Variants in PASK observed in about 807,000 individuals in gnomAD.
PASK encodes PAS domain containing serine/threonine kinase.
A neutral mutation model predicts 121.0 loss-of-function variants in PASK; 110 were observed. That is an observed-to-expected ratio of 0.91 (90% confidence interval 0.78 to 1.06). PASK has a LOEUF of 1.06. Among genes scored for constraint, PASK ranks in the 50% least tolerant of loss-of-function variants. The probability of loss-of-function intolerance (pLI) is 0.00; values close to 1 mark genes in which losing one functional copy is unlikely to be tolerated. For synonymous variants in PASK, 686 were observed against 717.8 expected, an observed-to-expected ratio of 0.96 and a Z score of 0.71; for missense variants, 1,643 against 1,702.3, an observed-to-expected ratio of 0.97 and a Z score of 0.61.
intron 17 of PASK, 47 bp downstream of exon 17, chr2:241,107,306 A>G: frequency 6.3e-7 from 1 of 1,575,686 alleles, no homozygotes; most frequent in Non-Finnish European, 8.7e-7. Flanking sequence ...GGACCTCGTT[A>G]TTCCAAGTGA....
At chr2:241,107,809 G>A (rs1038866360) in intron 16 of PASK, among the ~76,000 whole-genome samples, 1 of 152,212 alleles carries the variant, frequency 6.6e-6, no homozygotes, top group African/African-American at 2.4e-5. Flanking sequence ...GGGTTAACAT[G>A]ACAGGTGAGG....
At chr2:241,118,878 C>T in intron 12 of PASK, 1 of 1,001,254 alleles carries the variant, frequency 1.0e-6, no homozygotes. Flanking sequence ...CTTCCCGCAG[C>T]TCCTGGACCC....
At chr2:241,137,508 G>A (rs2066493844) in intron 6 of PASK, among the ~76,000 whole-genome samples, 2 of 152,122 alleles carry the variant, frequency 1.3e-5, no homozygotes, top group African/African-American at 4.8e-5. Context: ...CAGGGCAAGT[G>A]AGACACCCCA....
At position 241,143,086 on chromosome 2, in the gene PASK, C is replaced by A; in HGVS notation, c.-42-12G>T. The A allele has an allele frequency of 7.6e-7, 1 of 1,314,438 alleles. No individual in the cohort carries two copies. The highest frequency in any genetic ancestry group is 1.1e-6 in the Non-Finnish European group (1 of 909,044). 81.4% of individuals were successfully genotyped at this position (1,314,438 alleles called of 1,614,324 possible). ...TCCAACTCTAACAACTAGAAAACAA[C>A]ATGAAGCTGATTAACATCTGCAATG... On this transcript the variant is annotated splice_polypyrimidine_tract_variant and intron_variant, in intron 1 of 17. Transcript: ENST00000234040.
intron 9 of PASK, among the ~76,000 whole-genome samples, chr2:241,131,980 G>A (rs946115433): frequency 6.6e-5 from 10 of 150,388 alleles, no homozygotes; most frequent in African/African-American, 2.4e-4. Context: ...CTTGAACCAG[G>A]GGGCAGAAGT....
chr2:241,146,800 C>T (rs1283005598), intron 1 of PASK, among the ~76,000 whole-genome samples: 1 of 152,206 alleles, frequency 6.6e-6, no homozygotes, highest in Non-Finnish European at 1.5e-5. Context: ...GGAAGAGGCA[C>T]AAGGGCACAG....
intron 12 of PASK, among the ~76,000 whole-genome samples, chr2:241,120,564 G>C (rs2065564483): frequency 6.6e-6 from 1 of 152,022 alleles, no homozygotes; most frequent in South Asian, 2.1e-4. Flanking sequence ...CAGCCAATAA[G>C]ATCATGAAAA....
At chr2:241,150,169 G>A (rs10164897), upstream of PASK, 7,422 of 1,271,028 alleles carry the variant, frequency 5.8e-3, 335 homozygotes, top group African/African-American at 0.099. Flanking sequence ...AGCCCAGGGC[G>A]TCTCTCCACT....
rs1467712247 is a variant in PASK at position 241,112,498 on chromosome 2, T to G, written c.3334-59A>C. ...AAAGCAATTCAACTAAAATATGCATTTAAAATAAACTGGAACAAAAAAAAA... is the reference window on the plus strand; with the variant it reads ...AAAGCAATTCAACTAAAATATGCATGTAAAATAAACTGGAACAAAAAAAAA... On this transcript the variant is annotated intron_variant, in intron 14 of 17. Coordinates refer to ENST00000234040, the MANE Select transcript of PASK (RefSeq NM_015148.4). This position sits in a 1 kb window ranked among gnomAD's most constrained non-coding sequence, Gnocchi z 5.2. 2.7e-6 allele frequency: 3 copies of G among 1,096,292 alleles called. No individual in the cohort carries two copies. Among genetic ancestry groups the G allele is most frequent in the Non-Finnish European group, 2.7e-6 (2 of 745,572 alleles). 67.9% of individuals were successfully genotyped at this position (1,096,292 alleles called of 1,614,324 possible).
At chr2:241,116,116 G>A (rs1328051371) in intron 12 of PASK, among the ~76,000 whole-genome samples, 1 of 139,432 alleles carries the variant, frequency 7.2e-6, no homozygotes, top group Non-Finnish European at 1.5e-5. Flanking sequence ...CAATCCTCAA[G>A]CATCCCATTA....
At chr2:241,144,695 C>T (rs372018814) in intron 1 of PASK, among the ~76,000 whole-genome samples, 158 of 152,296 alleles carry the variant, frequency 1.0e-3, no homozygotes, top group African/African-American at 3.7e-3. Flanking sequence ...GATGCCCACA[C>T]GAGGCCCTTC....
At chr2:241,130,322 C>T (rs933369122) in intron 9 of PASK, among the ~76,000 whole-genome samples, 5 of 152,356 alleles carry the variant, frequency 3.3e-5, no homozygotes, top group South Asian at 2.1e-4. Context: ...CATCCAGAAA[C>T]GTCCAATGCA....
intron 1 of PASK, among the ~76,000 whole-genome samples, chr2:241,147,552 C>T (rs186134082): frequency 2.0e-4 from 30 of 152,194 alleles, no homozygotes; most frequent in African/African-American, 4.8e-4. Flanking sequence ...GCCCAGGAGG[C>T]GGAGGCTGCA....
In PASK at chr2:241,106,382, C is replaced by T; in HGVS notation, c.*184G>A. ...GTCATGAAAAAAGTGAATTCCAAAT[C>T]TATGTAATAAATCTAAAATAATACA... is the stretch of plus-strand genomic sequence containing the variant. On this transcript the variant is annotated 3_prime_UTR_variant, in exon 18 of 18. Coordinates refer to ENST00000234040, the MANE Select transcript of PASK (RefSeq NM_015148.4). 1 of 684,648 alleles carries T rather than the reference C, an allele frequency of 1.5e-6. No individual in the cohort carries two copies. The highest frequency in any genetic ancestry group is 1.7e-5 in the South Asian group (1 of 57,664). The allele number at this position is 684,648 out of a possible 1,614,324, so 42.4% of individuals were successfully genotyped here.
Position 241,108,261 on chromosome 2 carries a change from G to C in PASK, c.3573C>G (p.Val1191=), listed in dbSNP as rs138022646. The change falls in exon 16 of 18, where the codon GTC becomes GTG. Residue 1191 remains valine (V), a synonymous_variant. Coordinates refer to ENST00000234040, the MANE Select transcript of PASK (RefSeq NM_015148.4). The surrounding 1 kb of genome is among the most constrained non-coding windows in gnomAD (Gnocchi z 5.2). The part of the protein sequence containing the change: ...GPELEMWSLG[V]TLYTLVFEEN... ...CCTCAAAGACCAGCGTGTACAGAGT[G>C]ACTCCCAGAGACCACATCTCCAGCT... is the stretch of plus-strand genomic sequence containing the variant. The C allele has an allele frequency of 6.2e-7, 1 of 1,613,842 alleles. No individual in the cohort carries two copies. Among genetic ancestry groups the C allele is most frequent in the Non-Finnish European group, 8.5e-7 (1 of 1,179,868 alleles).
At chr2:241,148,588 C>T (rs566705333) in intron 1 of PASK, among the ~76,000 whole-genome samples, 21 of 152,284 alleles carry the variant, frequency 1.4e-4, no homozygotes, top group Admixed American at 1.3e-3. Flanking sequence ...CCCAGAGCCT[C>T]CTATGCCTGC....
chr2:241,145,998 C>T (rs2215025), intron 1 of PASK: 78,454 of 151,272 alleles, frequency 0.52, 20,969 homozygotes, highest in East Asian at 0.89. Flanking sequence ...ATAAAGAAAA[C>T]GAAAGAACAA....
At chr2:241,119,243 A>C (rs1269356023) in intron 12 of PASK, among the ~76,000 whole-genome samples, 1 of 152,194 alleles carries the variant, frequency 6.6e-6, no homozygotes, top group East Asian at 1.9e-4. Context: ...GCTGAGGCCC[A>C]AACTGTCTTT....
In PASK at chr2:241,123,937, GCAAATAC is replaced by G; in HGVS notation, c.2904+5_2904+11del. 1 of 1,610,744 alleles carries G rather than the reference GCAAATAC, an allele frequency of 6.2e-7. No individual in the cohort carries two copies. Reference sequence around the variant, plus strand: ...GGCAAGTCCAGGGCAGGCATTGATTGCAAATACCCACTTCCACCAGGCTGGGTCCGGT... The same window carrying G: ...GGCAAGTCCAGGGCAGGCATTGATTGCCACTTCCACCAGGCTGGGTCCGGT... On this transcript the variant is annotated splice_donor_5th_base_variant and intron_variant, in intron 11 of 17. Coordinates refer to ENST00000234040, the MANE Select transcript of PASK (RefSeq NM_015148.4).
Sources: gnomAD v4.1 joint callset for allele counts (sites outside exome capture counted in the v4.1 genomes callset) on GRCh38, gnomAD v4.1.1 for gene constraint, Gnocchi (gnomAD v3.1) non-coding constraint, MANE v1.5 for transcripts, NCBI Gene and HGNC (gene_info 2026-07-23, HGNC 2026-07-21) for gene names.